CLMP: variants seen among roughly 807,000 people sequenced by gnomAD.
CLMP encodes the protein CXADR-like membrane protein.
CLMP carries 27 observed loss-of-function variants against 45.2 expected under a neutral mutation model. That is an observed-to-expected ratio of 0.60 (90% confidence interval 0.44 to 0.82). The LOEUF (loss-of-function observed/expected upper bound fraction) is 0.82. Among genes scored for constraint, CLMP ranks in the 40% least tolerant of loss-of-function variants. The probability of loss-of-function intolerance (pLI) is 0.00; values close to 1 mark genes in which losing one functional copy is unlikely to be tolerated. For synonymous variants in CLMP, 167 were observed against 171.4 expected, an observed-to-expected ratio of 0.97 and a Z score of 0.20; for missense variants, 403 against 448.4, an observed-to-expected ratio of 0.90 and a Z score of 0.91.
chr11:123,153,004 A>G (rs931726412), intron 1 of CLMP, among the ~76,000 whole-genome samples: 2 of 152,216 alleles, frequency 1.3e-5, no homozygotes, highest in African/African-American at 4.8e-5. Context: ...GAGGAAGCTC[A>G]TTGAGGACGT....
rs370243578 is a variant in CLMP at position 123,185,307 on chromosome 11, G to A, written c.28+9606C>T. On this transcript the variant is annotated intron_variant, in intron 1 of 6. Transcript: ENST00000448775. ...GCAATACATGAAAGATGAGCTTGAC[G>A]GAGTTCACGCTGGTCTTTGTTCTCT... Among the ~76,000 whole-genome samples, 279 of 152,268 alleles carry A rather than the reference G, an allele frequency of 1.8e-3. 6 individuals carry two copies. In the South Asian group the frequency reaches 0.056, roughly 31 times the overall value.
chr11:123,121,949 G>A (rs1860824591), intron 1 of CLMP, among the ~76,000 whole-genome samples: 3 of 152,016 alleles, frequency 2.0e-5, no homozygotes. Flanking sequence ...TTGCCATGTT[G>A]CCAGGCTAGT....
intron 1 of CLMP, among the ~76,000 whole-genome samples, chr11:123,144,421 G>C (rs1260400379): frequency 6.6e-6 from 1 of 152,198 alleles, no homozygotes; most frequent in African/African-American, 2.4e-5. Flanking sequence ...GCCCAGGCTA[G>C]AGTGCAATGG....
chr11:123,145,601 T>C lies in CLMP; in HGVS notation c.29-47649A>G, dbSNP rs991488597. ...CCTCAGCTTCCCGAGTAGCTGGGCC[T>C]ACAGGTGCCCGCCACTATGCCTGGC... On this transcript the variant is annotated intron_variant, in intron 1 of 6. Transcript: ENST00000448775. Among the ~76,000 whole-genome samples the C allele has an allele frequency of 1.2e-4, 18 of 152,182 alleles. No homozygotes were observed. The East Asian group carries it at 3.5e-3, about 29-fold the overall frequency.
chr11:123,192,744 G>A (rs376709847), intron 1 of CLMP, among the ~76,000 whole-genome samples: 72 of 152,098 alleles, frequency 4.7e-4, no homozygotes, highest in African/African-American at 1.6e-3. Context: ...CAGTTCAGAC[G>A]ATGAACACTC....
At chr11:123,130,085 G>C (rs1860963558) in intron 1 of CLMP, among the ~76,000 whole-genome samples, 1 of 152,224 alleles carries the variant, frequency 6.6e-6, no homozygotes, top group Admixed American at 6.5e-5. Flanking sequence ...GCAGAATTGA[G>C]TGGAAACCTC....
intron 1 of CLMP, among the ~76,000 whole-genome samples, chr11:123,130,138 A>C (rs1860964651): frequency 6.6e-6 from 1 of 152,158 alleles, no homozygotes; most frequent in South Asian, 2.1e-4. Context: ...AAAAATATTC[A>C]AGGGAAAAGG....
intron 1 of CLMP, among the ~76,000 whole-genome samples, chr11:123,121,290 G>T (rs142623571): frequency 0.021 from 3,230 of 151,450 alleles, 117 homozygotes; most frequent in African/African-American, 0.073. Flanking sequence ...TCTTGTTTTT[G>T]TTTTGTTTTG....
intron 2 of CLMP, among the ~76,000 whole-genome samples, chr11:123,095,509 A>G (rs1300050046): frequency 6.6e-6 from 1 of 152,184 alleles, no homozygotes; most frequent in East Asian, 1.9e-4. Context: ...ACCTCAGGTT[A>G]TCCACCCACC....
At chr11:123,124,737 C>T (rs780690263) in intron 1 of CLMP, among the ~76,000 whole-genome samples, 3 of 152,150 alleles carry the variant, frequency 2.0e-5, no homozygotes, top group South Asian at 2.1e-4. Flanking sequence ...CTCAGAAATG[C>T]GTACATATCC....
At chr11:123,136,408 A>G (rs527284340) in intron 1 of CLMP, 65 of 475,200 alleles carry the variant, frequency 1.4e-4, no homozygotes, top group South Asian at 1.2e-3. Flanking sequence ...GGCCAGTTCT[A>G]GGGTGGTCCC....
At chr11:123,185,546 C>T (rs1334430232) in intron 1 of CLMP, among the ~76,000 whole-genome samples, 1 of 152,172 alleles carries the variant, frequency 6.6e-6, no homozygotes, top group African/African-American at 2.4e-5. Context: ...GAGGTGGCCT[C>T]GTTTCCGGCC....
chr11:123,114,927 A>T (rs1389547825), intron 1 of CLMP, among the ~76,000 whole-genome samples: 1 of 152,156 alleles, frequency 6.6e-6, no homozygotes, highest in Non-Finnish European at 1.5e-5. Flanking sequence ...TAACTCTAAG[A>T]CCTATACCCT....
intron 1 of CLMP, among the ~76,000 whole-genome samples, chr11:123,112,151 T>C (rs557296485): frequency 6.6e-6 from 1 of 152,200 alleles, no homozygotes; most frequent in South Asian, 2.1e-4. Flanking sequence ...GATTAAGGAA[T>C]TGGCAAAATA....
At position 123,100,806 on chromosome 11, in the gene CLMP, C is replaced by CT. The variant is rs199550423; in HGVS notation, c.29-2855dup. On this transcript the variant is annotated intron_variant, in intron 1 of 6. Transcript: ENST00000448775. ...ATTTCTCTGCTTTTTCCCAAAAACACTTTTTTTTTCCTCCCACTGAGACAG... is the reference window on the plus strand; with the variant it reads ...ATTTCTCTGCTTTTTCCCAAAAACACTTTTTTTTTTCCTCCCACTGAGACAG... Among the ~76,000 whole-genome samples, 1,323 of 151,758 alleles carry CT rather than the reference C, an allele frequency of 8.7e-3. 15 individuals are homozygous for CT. Among genetic ancestry groups the CT allele is most frequent in the Middle Eastern group, 0.014 (4 of 294 alleles).
intron 1 of CLMP, among the ~76,000 whole-genome samples, chr11:123,191,850 C>T (rs1861911965): frequency 6.6e-6 from 1 of 152,162 alleles, no homozygotes; most frequent in South Asian, 2.1e-4. Flanking sequence ...AGACACTGTC[C>T]CTGCCTTCAT....
At chr11:123,136,105 C>A (rs955571034) in intron 1 of CLMP, 2 of 616,122 alleles carry the variant, frequency 3.2e-6, no homozygotes, top group Non-Finnish European at 6.4e-6. Flanking sequence ...TTAATCTGCA[C>A]GTAGCCACTA....
At chr11:123,162,343 G>A (rs1250856470) in intron 1 of CLMP, among the ~76,000 whole-genome samples, 1 of 152,188 alleles carries the variant, frequency 6.6e-6, no homozygotes, top group African/African-American at 2.4e-5. Context: ...GATTATTTAT[G>A]ATTTATAACA....
intron 1 of CLMP, among the ~76,000 whole-genome samples, chr11:123,124,885 G>A (rs1035046001): frequency 2.0e-5 from 3 of 152,064 alleles, no homozygotes; most frequent in African/African-American, 7.2e-5. Context: ...ATATGGAGTG[G>A]AATACAAAAT....
Sources: allele counts gnomAD v4.1 joint callset (sites outside exome capture counted in the v4.1 genomes callset), GRCh38; gene constraint gnomAD v4.1.1; transcripts MANE v1.5; gene names NCBI Gene and HGNC (gene_info 2026-07-23, HGNC 2026-07-21).